HS6ST3: variants seen among roughly 807,000 people sequenced by gnomAD.
The protein encoded by HS6ST3 is heparan-sulfate 6-O-sulfotransferase 3.
Under a neutral mutation model 36.7 loss-of-function variants are expected in HS6ST3, and 12 were observed. The ratio of observed to expected loss-of-function variants is 0.33; its 90% confidence interval spans 0.21 to 0.53. HS6ST3 has a LOEUF of 0.53. HS6ST3 is among the 20% of genes least tolerant of loss of function. HS6ST3 has a pLI of 0.95. For missense variants in HS6ST3, 584 were observed against 640.9 expected (o/e 0.91, Z 0.96); for synonymous variants, 240 against 257.5 (o/e 0.93, Z 0.65).
At chr13:96,444,023 T>TA (rs775879307) in intron 1 of HS6ST3, among the ~76,000 whole-genome samples, 17 of 152,216 alleles carry the variant, frequency 1.1e-4, no homozygotes, top group Non-Finnish European at 2.1e-4. Flanking sequence ...ATGAACTATT[T>TA]ACATTATTAT....
At chr13:96,269,839 A>C (rs138538361) in intron 1 of HS6ST3, among the ~76,000 whole-genome samples, 24 of 152,108 alleles carry the variant, frequency 1.6e-4, no homozygotes, top group Non-Finnish European at 2.9e-4. Flanking sequence ...TTGGCAGTTC[A>C]TAATGTAGCT....
chr13:96,410,053 A>G (rs1232784636), intron 1 of HS6ST3, among the ~76,000 whole-genome samples: 1 of 152,208 alleles, frequency 6.6e-6, no homozygotes, highest in Non-Finnish European at 1.5e-5. Flanking sequence ...TATCTTCCTC[A>G]CATTCATATG....
chr13:96,452,367 T>C (rs2055732610), intron 1 of HS6ST3, among the ~76,000 whole-genome samples: 1 of 152,188 alleles, frequency 6.6e-6, no homozygotes, highest in Admixed American at 6.5e-5. Flanking sequence ...TCCAAGAAAT[T>C]ACAAAGTTCT....
intron 1 of HS6ST3, among the ~76,000 whole-genome samples, chr13:96,241,384 A>G (rs2054559136): frequency 6.6e-6 from 1 of 152,128 alleles, no homozygotes; most frequent in Non-Finnish European, 1.5e-5. Context: ...ACATTGCCTC[A>G]TTCTTTCAAT....
chr13:96,257,511 C>A (rs984489032), intron 1 of HS6ST3, among the ~76,000 whole-genome samples: 1 of 152,132 alleles, frequency 6.6e-6, no homozygotes, highest in African/African-American at 2.4e-5. Context: ...ACCCACTTAT[C>A]AATTTTGGGA....
rs146770805 is a variant in HS6ST3, at chr13:96,146,536, C to A, written c.707+54967C>A. Among the ~76,000 whole-genome samples, 523 of 152,026 alleles carry A rather than the reference C, an allele frequency of 3.4e-3. 3 individuals carry two copies. The highest frequency in any genetic ancestry group is 0.012 in the African/African-American group (503 of 41,458). On this transcript the variant is annotated intron_variant, in intron 1 of 1. Coordinates refer to ENST00000376705, the MANE Select transcript of HS6ST3 (RefSeq NM_153456.4). ...AGAATATTTGAATATATTAGAAAAC[C>A]CTGATGTTCAAAGACATTACACAGA...
At chr13:96,238,061 A>G (rs2054542814) in intron 1 of HS6ST3, among the ~76,000 whole-genome samples, 1 of 152,310 alleles carries the variant, frequency 6.6e-6, no homozygotes, top group African/African-American at 2.4e-5. Context: ...TAACATGTCC[A>G]AAGTGGCACC....
chr13:96,310,535 C>T (rs984554921), intron 1 of HS6ST3, among the ~76,000 whole-genome samples: 1 of 152,092 alleles, frequency 6.6e-6, no homozygotes, highest in African/African-American at 2.4e-5. Context: ...CCATATTATC[C>T]ATACAATTAG....
chr13:96,699,392 A>G (rs903810773), intron 1 of HS6ST3, among the ~76,000 whole-genome samples: 82 of 152,222 alleles, frequency 5.4e-4, no homozygotes, highest in African/African-American at 2.0e-3. Flanking sequence ...ATGAACTCAA[A>G]CAAATTTACA....
intron 1 of HS6ST3, among the ~76,000 whole-genome samples, chr13:96,309,002 T>A (rs1566319271): frequency 6.6e-6 from 1 of 152,186 alleles, no homozygotes; most frequent in Non-Finnish European, 1.5e-5. Flanking sequence ...ACAAAATATT[T>A]ACATAGACTT....
Position 96,091,399 on chromosome 13 carries a change from G to C in HS6ST3, c.537G>C (p.Ala179=), listed in dbSNP as rs2053763442. 6.2e-7 allele frequency: 1 copy of C among 1,613,610 alleles called. No individual in the cohort carries two copies. The highest frequency in any genetic ancestry group is 8.5e-7 in the Non-Finnish European group (1 of 1,179,870). ...TGGAGCAGCCTTGTAGCTGCAAAGCGGGTCAGAAGAAGTGCACCTGCCACC... is the reference window on the plus strand; with the variant it reads ...TGGAGCAGCCTTGTAGCTGCAAAGCCGGTCAGAAGAAGTGCACCTGCCACC... ...IRLEQPCSCK[A]GQKKCTCHRP... The change falls in exon 1 of 2, where the codon GCG becomes GCC. Residue 179 remains alanine (A), a synonymous_variant. Transcript: ENST00000376705.
chr13:96,690,946 T>C (rs1874939539), intron 1 of HS6ST3, among the ~76,000 whole-genome samples: 1 of 152,126 alleles, frequency 6.6e-6, no homozygotes, highest in South Asian at 2.1e-4. Context: ...AAATGTCAAG[T>C]GTCTAGCACA....
At chr13:96,405,627 A>G (rs1220591442) in intron 1 of HS6ST3, among the ~76,000 whole-genome samples, 1 of 152,212 alleles carries the variant, frequency 6.6e-6, no homozygotes, top group East Asian at 1.9e-4. Context: ...TATTAAGCGC[A>G]TCCTATATTT....
intron 1 of HS6ST3, among the ~76,000 whole-genome samples, chr13:96,290,744 G>C (rs932284712): frequency 6.6e-6 from 1 of 152,152 alleles, no homozygotes; most frequent in African/African-American, 2.4e-5. Context: ...ACCCACCTAT[G>C]GCTTCCCACC....
In HS6ST3 at chr13:96,739,760, C is replaced by G. The variant is rs149450559; in HGVS notation, c.708-92730C>G. On this transcript the variant is annotated intron_variant, in intron 1 of 1. Coordinates refer to ENST00000376705, the MANE Select transcript of HS6ST3 (RefSeq NM_153456.4). ...ATTCTCAACAAAGCATCCAGCGCAGCCCACCAGAATGTAAGTTAGATCATG... is the reference window on the plus strand; with the variant it reads ...ATTCTCAACAAAGCATCCAGCGCAGGCCACCAGAATGTAAGTTAGATCATG... Among the ~76,000 whole-genome samples, 10 of 152,286 alleles carry G rather than the reference C, an allele frequency of 6.6e-5. No individual in the cohort carries two copies. The East Asian group carries it at 1.9e-3, about 29-fold the overall frequency.
chr13:96,780,153 A>G (rs1016326557), intron 1 of HS6ST3, among the ~76,000 whole-genome samples: 2 of 152,200 alleles, frequency 1.3e-5, no homozygotes, highest in African/African-American at 2.4e-5. Flanking sequence ...GAAAAAAGTG[A>G]ACAGGTATCA....
intron 1 of HS6ST3, among the ~76,000 whole-genome samples, chr13:96,275,266 G>T (rs1376005944): frequency 6.6e-6 from 1 of 152,112 alleles, no homozygotes; most frequent in African/African-American, 2.4e-5. Flanking sequence ...CCCTGCTTCA[G>T]AATTATTTAC....
At chr13:96,205,358 C>G (rs773248034) in intron 1 of HS6ST3, among the ~76,000 whole-genome samples, 1 of 152,062 alleles carries the variant, frequency 6.6e-6, no homozygotes, top group Non-Finnish European at 1.5e-5. Flanking sequence ...CAAAAAAAGC[C>G]CAGGATCATC....
chr13:96,361,275 C>G (rs1320395862), intron 1 of HS6ST3, among the ~76,000 whole-genome samples: 1 of 152,158 alleles, frequency 6.6e-6, no homozygotes, highest in East Asian at 1.9e-4. Flanking sequence ...TGATTTCAAT[C>G]CAGTCTCTGA....
Sources: gnomAD v4.1 joint callset for allele counts (sites outside exome capture counted in the v4.1 genomes callset) on GRCh38, gnomAD v4.1.1 for gene constraint, MANE v1.5 for transcripts, NCBI Gene and HGNC (gene_info 2026-07-23, HGNC 2026-07-21) for gene names.